The following PIWIL4 variants were observed in gnomAD, a reference collection of about 807,000 sequenced individuals.
PIWIL4 encodes piwi-like protein 4.
In PIWIL4, 50 loss-of-function variants were observed where a neutral mutation model predicts 100.9. That is an observed-to-expected ratio of 0.50 (90% CI 0.39 to 0.63). The LOEUF (loss-of-function observed/expected upper bound fraction) is 0.63, where lower values mean the gene tolerates loss of function less well. PIWIL4 is among the 20% of genes least tolerant of loss of function. The pLI is 0.00. For missense variants in PIWIL4, 887 were observed against 1,043.3 expected, an observed-to-expected ratio of 0.85 and a Z score of 2.06; for synonymous variants, 342 against 367.5, an observed-to-expected ratio of 0.93 and a Z score of 0.79.
intron 7 of PIWIL4, among the ~76,000 whole-genome samples, chr11:94,587,511 T>C (rs1948418739): frequency 6.6e-6 from 1 of 152,230 alleles, no homozygotes; most frequent in African/African-American, 2.4e-5. Context: ...CGGTCTGCAC[T>C]TTGCATGCTT....
chr11:94,608,773 T>C lies in PIWIL4; in HGVS notation c.1943+87T>C, dbSNP rs545791128. 125 of 1,152,926 alleles carry C rather than the reference T, an allele frequency of 1.1e-4. No individual in the cohort carries two copies. The African/African-American group carries it at 1.8e-3, about 17-fold the overall frequency. 71.4% of individuals were successfully genotyped at this position (1,152,926 alleles called of 1,614,324 possible). On this transcript the variant is annotated intron_variant, in intron 15 of 19. Coordinates refer to ENST00000299001, the MANE Select transcript of PIWIL4 (RefSeq NM_152431.3). ...TAAAGAATGTAACAGCAAGGAATAT[T>C]TTGTATTATTCACTCATTTTAAACA... is the stretch of plus-strand genomic sequence containing the variant.
At position 94,594,465 on chromosome 11, in the gene PIWIL4, C is replaced by CAAAAAAAAA. The variant is rs1565276807; in HGVS notation, c.1150+824_1150+825insAAAAAAAAA. On this transcript the variant is annotated intron_variant, in intron 9 of 19. Coordinates refer to ENST00000299001, the MANE Select transcript of PIWIL4 (RefSeq NM_152431.3). ...TGAGTGACAGAGCAAGACTCTGTCT[C>CAAAAAAAAA]CAAAAAAAAAGGAAAAGAAAGAAAG... Among the ~76,000 whole-genome samples the CAAAAAAAAA allele has an allele frequency of 2.2e-3, 262 of 119,116 alleles. 2 individuals carry two copies. Among genetic ancestry groups the CAAAAAAAAA allele is most frequent in the Middle Eastern group, 4.8e-3 (1 of 210 alleles). 78.1% of individuals were successfully genotyped at this position (119,116 alleles called of 152,430 possible).
intron 9 of PIWIL4, 27 bp downstream of exon 9, chr11:94,593,668 C>A: frequency 6.2e-7 from 1 of 1,610,814 alleles, no homozygotes; most frequent in South Asian, 1.1e-5. Context: ...ATACCTCTGT[C>A]AGGCTCCTGG....
intron 17 of PIWIL4, 129 bp downstream of exon 17, chr11:94,618,236 T>C: frequency 1.1e-6 from 1 of 889,814 alleles, no homozygotes; most frequent in Admixed American, 3.4e-5. Context: ...TTCTGTATCA[T>C]GCCAGTAGAG....
At chr11:94,590,918 A>C (rs1948477164) in intron 8 of PIWIL4, among the ~76,000 whole-genome samples, 1 of 152,174 alleles carries the variant, frequency 6.6e-6, no homozygotes, top group South Asian at 2.1e-4. Flanking sequence ...TCTGATTACA[A>C]GCATAAGCTC....
At position 94,567,476 on chromosome 11, in the gene PIWIL4, G is replaced by T; in HGVS notation, c.-43G>T. On this transcript the variant is annotated 5_prime_UTR_variant, in exon 1 of 20. Coordinates refer to ENST00000299001, the MANE Select transcript of PIWIL4 (RefSeq NM_152431.3). ...AGCCAAAGCAAAACATATCCTAACT[G>T]AGACTTTGCAGCTCTTGTGGCCACT... is the stretch of plus-strand genomic sequence containing the variant. 1 of 1,485,256 alleles carries T rather than the reference G, an allele frequency of 6.7e-7. No homozygotes were observed. The highest frequency in any genetic ancestry group is 1.3e-5 in the South Asian group (1 of 78,532). The allele number at this position is 1,485,256 out of a possible 1,614,324, so 92.0% of individuals were successfully genotyped here.
chr11:94,573,080 C>G (rs1048336159), intron 2 of PIWIL4, among the ~76,000 whole-genome samples: 1 of 152,140 alleles, frequency 6.6e-6, no homozygotes, highest in African/African-American at 2.4e-5. Context: ...CATGATTTGG[C>G]TCTCTGTTTG....
chr11:94,576,381 G>A (rs1289278087), intron 3 of PIWIL4, among the ~76,000 whole-genome samples: 4 of 152,242 alleles, frequency 2.6e-5, no homozygotes, highest in South Asian at 2.1e-4. Context: ...CAATCCACCC[G>A]CCTTGGCCTC....
At chr11:94,580,348 C>T (rs11020840) in intron 4 of PIWIL4, among the ~76,000 whole-genome samples, 35,833 of 152,048 alleles carry the variant, frequency 0.24, 4,504 homozygotes, top group East Asian at 0.28. Context: ...TCATCCCCTA[C>T]ACATGTCCTA....
At chr11:94,600,268 C>T (rs1454073624) in intron 11 of PIWIL4, among the ~76,000 whole-genome samples, 1 of 152,132 alleles carries the variant, frequency 6.6e-6, no homozygotes, top group Non-Finnish European at 1.5e-5. Flanking sequence ...TCTTAACTAT[C>T]AGGGAACCTG....
At position 94,567,424 on chromosome 11, in the gene PIWIL4, T is replaced by C; in HGVS notation, c.-95T>C. On this transcript the variant is annotated 5_prime_UTR_variant, in exon 1 of 20. Coordinates refer to ENST00000299001, the MANE Select transcript of PIWIL4 (RefSeq NM_152431.3). ...CTGGACATCCACCGCCTCCAGGCAG[T>C]TTCGCCGTCACACCGTCGCCATCTG... The C allele has an allele frequency of 1.7e-6, 2 of 1,169,224 alleles. No individual in the cohort carries two copies. The highest frequency in any genetic ancestry group is 2.3e-6 in the Non-Finnish European group (2 of 864,526). The allele number at this position is 1,169,224 out of a possible 1,614,324, so 72.4% of individuals were successfully genotyped here. A position where few individuals can be genotyped will look rare whatever the true frequency, so the allele number is the denominator to read the frequency against.
At chr11:94,591,958 C>G (rs1047648511) in intron 8 of PIWIL4, among the ~76,000 whole-genome samples, 1 of 151,390 alleles carries the variant, frequency 6.6e-6, no homozygotes, top group Admixed American at 6.6e-5. Context: ...CTTGACCATG[C>G]TCCAGCTAGA....
chr11:94,568,004 G>T (rs1326673003), intron 1 of PIWIL4, among the ~76,000 whole-genome samples: 1 of 151,734 alleles, frequency 6.6e-6, no homozygotes, highest in African/African-American at 2.4e-5. Context: ...CACACATGTG[G>T]TTTAGATTAA....
At chr11:94,587,269 A>C in intron 7 of PIWIL4, 22 bp downstream of exon 7, 4 of 1,595,324 alleles carry the variant, frequency 2.5e-6, no homozygotes, top group Non-Finnish European at 3.4e-6. Flanking sequence ...CGTCTAAATA[A>C]ACTTTTCTTC....
rs35206610 is a variant in PIWIL4 at position 94,612,315 on chromosome 11, GTTT to G, written c.1943+3644_1943+3646del. On this transcript the variant is annotated intron_variant, in intron 15 of 19. Coordinates refer to ENST00000299001, the MANE Select transcript of PIWIL4 (RefSeq NM_152431.3). ...ATCCAACGACTTTGATTTTTGTGAG[GTTT>G]TTTTTTTTTTTTTTACAAAAGTCTA... 1.4e-3 allele frequency among the ~76,000 whole-genome samples: 197 copies of G among 143,422 alleles called. 2 individuals carry two copies. In the East Asian group the frequency reaches 0.016, roughly 12 times the overall value. 94.1% of individuals were successfully genotyped at this position (143,422 alleles called of 152,430 possible). A position where few individuals can be genotyped will look rare whatever the true frequency, so the allele number is the denominator to read the frequency against.
chr11:94,578,338 G>A (rs1202453493), intron 4 of PIWIL4, among the ~76,000 whole-genome samples: 3 of 152,202 alleles, frequency 2.0e-5, no homozygotes, highest in African/African-American at 7.2e-5. Context: ...GCGTTGAATG[G>A]AAAGTTTGCT....
chr11:94,575,729 T>G (rs150152547), intron 3 of PIWIL4, among the ~76,000 whole-genome samples: 1 of 152,294 alleles, frequency 6.6e-6, no homozygotes, highest in East Asian at 1.9e-4. Context: ...ACAATGCGTC[T>G]CTTCCTTTCT....
chr11:94,590,053 T>C (rs1227999724), intron 8 of PIWIL4, among the ~76,000 whole-genome samples: 1 of 152,238 alleles, frequency 6.6e-6, no homozygotes, highest in Non-Finnish European at 1.5e-5. Context: ...TGTATAGTAA[T>C]ATTCAGGTTA....
At chr11:94,618,199 T>A in intron 17 of PIWIL4, 92 bp downstream of exon 17, 1 of 1,317,404 alleles carries the variant, frequency 7.6e-7, no homozygotes. Context: ...TAAGTTTTGT[T>A]TTTTATGCAA....
Sources: allele counts gnomAD v4.1 joint callset (sites outside exome capture counted in the v4.1 genomes callset), GRCh38; gene constraint gnomAD v4.1.1; transcripts MANE v1.5; gene names NCBI Gene and HGNC (gene_info 2026-07-23, HGNC 2026-07-21).